The following SLC1A4 variants were observed in gnomAD, a reference collection of about 807,000 sequenced individuals.
SLC1A4 encodes the protein solute carrier family 1 member 4.
Under a neutral mutation model 37.7 loss-of-function variants are expected in SLC1A4, and 19 were observed. That is an observed-to-expected ratio of 0.50 (90% confidence interval 0.35 to 0.74). The LOEUF (loss-of-function observed/expected upper bound fraction) is 0.74, where lower values mean the gene tolerates loss of function less well. SLC1A4 is among the 30% of genes least tolerant of loss of function. The probability of loss-of-function intolerance (pLI) is 0.01; values close to 1 mark genes in which losing one functional copy is unlikely to be tolerated. For missense variants in SLC1A4, 570 were observed against 712.9 expected (o/e 0.80, Z 2.28); for synonymous variants, 299 against 309.8 (o/e 0.97, Z 0.37).
chr2:65,001,373 G>A (rs1673452468), intron 1 of SLC1A4, 75 bp from the exon 2 acceptor site: 1 of 1,386,086 alleles, frequency 7.2e-7, no homozygotes. Flanking sequence ...CTGCACTCCA[G>A]CCTGGGCAAC....
Position 65,018,151 on chromosome 2 carries a change from C to T in SLC1A4, c.1115C>T (p.Pro372Leu), listed in dbSNP as rs749141796. The change falls in exon 6 of 8, where the codon CCC (proline) becomes CTC (leucine). Residue 372 changes from proline to leucine, a missense_variant. Coordinates refer to ENST00000234256, the MANE Select transcript of SLC1A4 (RefSeq NM_003038.5). This position sits in a 1 kb window ranked among gnomAD's most constrained non-coding sequence, Gnocchi z 4.3. ...VDKRISRFIL[P>L]IGATVNMDGA... The stretch of plus-strand genomic sequence containing the variant: ...AAGAGGATCAGCAGGTTTATTCTCC[C>T]CATCGGGGCCACCGTGAACATGGAC... 6.2e-7 allele frequency: 1 copy of T among 1,614,184 alleles called. No individual in the cohort carries two copies. Among genetic ancestry groups the T allele is most frequent in the Non-Finnish European group, 8.5e-7 (1 of 1,180,036 alleles).
At chr2:64,989,351 C>T (rs1464100533), upstream of SLC1A4, 3 of 286,212 alleles carry the variant, frequency 1.0e-5, no homozygotes, top group Non-Finnish European at 1.9e-5. Context: ...GCTGGCGCGC[C>T]CTCCTACTTC....
chr2:64,999,290 T>G (rs1673376510), intron 1 of SLC1A4, among the ~76,000 whole-genome samples: 1 of 152,212 alleles, frequency 6.6e-6, no homozygotes, highest in Non-Finnish European at 1.5e-5. Flanking sequence ...AATGCAGACA[T>G]GTACTCTGGT....
At chr2:65,005,058 C>G (rs977734653) in intron 3 of SLC1A4, among the ~76,000 whole-genome samples, 1 of 152,224 alleles carries the variant, frequency 6.6e-6, no homozygotes, top group African/African-American at 2.4e-5. Context: ...TTTACATCCA[C>G]TTGATATTCT....
Position 65,016,650 on chromosome 2 carries a change from G to A in SLC1A4, c.1011G>A (p.Ala337=), listed in dbSNP as rs776339519. The A allele has an allele frequency of 1.1e-5, 17 of 1,613,872 alleles. No individual in the cohort carries two copies. Among genetic ancestry groups the A allele is most frequent in the East Asian group, 2.2e-5 (1 of 44,898 alleles). Residue 337 remains alanine, a synonymous_variant, in exon 5 of 8, where the codon GCG becomes GCA. Transcript: ENST00000234256. ...RFLLGLLAPF[A]TAFATCSSSA... ...TCCTGGGCCTCCTCGCCCCATTTGC[G>A]ACAGCATTTGCTACCTGCTCCAGGT...
At chr2:65,002,119 A>C (rs951818604) in intron 2 of SLC1A4, among the ~76,000 whole-genome samples, 8 of 152,078 alleles carry the variant, frequency 5.3e-5, no homozygotes, top group African/African-American at 1.9e-4. Flanking sequence ...GTCTCCATTA[A>C]AGATACAAAA....
rs1258275488 is a variant in SLC1A4, at chr2:65,006,573, G to A, written c.633+2558G>A. ...TCCAGGCTTTCCTAAACCCTGTGGC[G>A]AGAAGACTGTGTAAAGGCATAGCAG... is the stretch of plus-strand genomic sequence containing the variant. On this transcript the variant is annotated intron_variant, in intron 3 of 7. Coordinates refer to ENST00000234256, the MANE Select transcript of SLC1A4 (RefSeq NM_003038.5). Among the ~76,000 whole-genome samples the A allele has an allele frequency of 6.6e-5, 10 of 152,164 alleles. No homozygotes were observed. The South Asian group carries it at 1.7e-3, about 25-fold the overall frequency.
chr2:65,008,005 G>T (rs754122037), intron 3 of SLC1A4, among the ~76,000 whole-genome samples: 1 of 151,828 alleles, frequency 6.6e-6, no homozygotes, highest in East Asian at 1.9e-4. Flanking sequence ...CTGGCCTCTC[G>T]TAACCACCAA....
Position 65,003,948 on chromosome 2 carries a change from C to A in SLC1A4, c.571-5C>A, listed in dbSNP as rs78521144. On this transcript the variant is annotated splice_region_variant and splice_polypyrimidine_tract_variant and intron_variant, in intron 2 of 7. Coordinates refer to ENST00000234256, the MANE Select transcript of SLC1A4 (RefSeq NM_003038.5). ...CAGTGGGTTTTTTTTTCCTCTTGATCACAGTATGCAACCGATTATAAAGTC... is the reference window on the plus strand; with the variant it reads ...CAGTGGGTTTTTTTTTCCTCTTGATAACAGTATGCAACCGATTATAAAGTC... 1 of 1,613,208 alleles carries A rather than the reference C, an allele frequency of 6.2e-7. No individual in the cohort carries two copies. Among genetic ancestry groups the A allele is most frequent in the Non-Finnish European group, 8.5e-7 (1 of 1,179,316 alleles).
At chr2:65,010,055 C>T (rs906490183) in intron 3 of SLC1A4, among the ~76,000 whole-genome samples, 21 of 152,114 alleles carry the variant, frequency 1.4e-4, no homozygotes, top group Admixed American at 3.9e-4. Context: ...CCTCAGCCTC[C>T]CAAGTAGCTG....
intron 3 of SLC1A4, among the ~76,000 whole-genome samples, chr2:65,007,180 A>AG (rs1673708216): frequency 6.6e-6 from 1 of 152,228 alleles, no homozygotes; most frequent in Non-Finnish European, 1.5e-5. Flanking sequence ...GTTCTAGTGG[A>AG]GGGAATCATG....
intron 1 of SLC1A4, among the ~76,000 whole-genome samples, chr2:64,993,366 A>G (rs964434077): frequency 2.0e-5 from 3 of 152,344 alleles, no homozygotes; most frequent in Non-Finnish European, 4.4e-5. Context: ...TTACATGTGT[A>G]TATGTTTTTT....
upstream of SLC1A4, chr2:64,988,640 CTAA>C (rs2103621744): frequency 6.6e-6 from 1 of 152,398 alleles, no homozygotes; most frequent in South Asian, 2.1e-4. Context: ...CGTTAGAGCC[CTAA>C]TGAGCGCGTG....
Position 65,009,389 on chromosome 2 carries a change from AAG to A in SLC1A4, c.634-1206_634-1205del, listed in dbSNP as rs1484791786. Among the ~76,000 whole-genome samples the A allele has an allele frequency of 3.9e-4, 59 of 151,646 alleles. 1 individual carries two copies. The highest frequency in any genetic ancestry group is 1.8e-4 in the Non-Finnish European group (12 of 67,850). On this transcript the variant is annotated intron_variant, in intron 3 of 7. Transcript: ENST00000234256. ...ACTCTGTCTCAAAAAGAAAAAAAAA[AAG>A]AAAAGAAAGAAAGAAAGAAAAGAAA...
intron 3 of SLC1A4, among the ~76,000 whole-genome samples, chr2:65,006,741 C>A (rs1300066826): frequency 1.3e-5 from 2 of 152,152 alleles, no homozygotes; most frequent in African/African-American, 2.4e-5. Flanking sequence ...AAATTTGAGA[C>A]CAGCCTGGGC....
At position 65,016,439 on chromosome 2, in the gene SLC1A4, G is replaced by C; in HGVS notation, c.801-1G>C. 1.9e-6 allele frequency: 3 copies of C among 1,613,194 alleles called. No homozygotes were observed. Among genetic ancestry groups the C allele is most frequent in the Middle Eastern group, 3.3e-4 (2 of 6,062 alleles). On this transcript the variant is annotated splice_acceptor_variant, in intron 4 of 7. Coordinates refer to ENST00000234256, the MANE Select transcript of SLC1A4 (RefSeq NM_003038.5). LOFTEE classifies it high-confidence loss of function. ...ATGAGTACCCTGTGCTTGTGCCCTAGGTACGTACCTGTGGGCATCATGTTC... is the reference window on the plus strand; with the variant it reads ...ATGAGTACCCTGTGCTTGTGCCCTACGTACGTACCTGTGGGCATCATGTTC...
intron 2 of SLC1A4, among the ~76,000 whole-genome samples, chr2:65,003,328 T>C (rs910165757): frequency 1.3e-5 from 2 of 152,226 alleles, no homozygotes; most frequent in Admixed American, 6.5e-5. Flanking sequence ...GACACCTATG[T>C]GCACCATGCA....
chr2:64,988,511 GC>G (rs1240266684), upstream of SLC1A4: 2 of 152,412 alleles, frequency 1.3e-5, no homozygotes, highest in African/African-American at 4.8e-5. Flanking sequence ...GGGCGACCCA[GC>G]CCCATCCTGA....
At chr2:64,988,960 T>C (rs1428609503), upstream of SLC1A4, among the ~76,000 whole-genome samples, 1 of 150,212 alleles carries the variant, frequency 6.7e-6, no homozygotes, top group African/African-American at 2.4e-5. Flanking sequence ...CCTCCCACAG[T>C]CCTCAGGAGG....
Sources: allele counts gnomAD v4.1 joint callset (sites outside exome capture counted in the v4.1 genomes callset), GRCh38; gene constraint gnomAD v4.1.1; non-coding constraint Gnocchi (gnomAD v3.1); transcripts MANE v1.5; gene names NCBI Gene and HGNC (gene_info 2026-07-23, HGNC 2026-07-21).